Variants in CD247 observed in about 807,000 individuals in gnomAD.
The protein encoded by CD247 is CD247 molecule, also known as T-cell surface glycoprotein CD3 zeta chain.
In CD247, 13 loss-of-function variants were observed where a neutral mutation model predicts 30.0. That is an observed-to-expected ratio of 0.43 (90% CI 0.28 to 0.69). The LOEUF is 0.69. Among genes scored for constraint, CD247 ranks in the 30% least tolerant of loss-of-function variants. The pLI is 0.16. For synonymous variants in CD247, 72 were observed against 80.0 expected (o/e 0.90, Z 0.53); for missense variants, 193 against 212.6 (o/e 0.91, Z 0.57).
chr1:167,492,610 G>A (rs1418520664), intron 1 of CD247, among the ~76,000 whole-genome samples: 2 of 152,164 alleles, frequency 1.3e-5, no homozygotes, highest in South Asian at 2.1e-4. Flanking sequence ...CTTCGGCTTC[G>A]ATTCGTAAGC....
intron 1 of CD247, among the ~76,000 whole-genome samples, chr1:167,503,147 C>T (rs913520629): frequency 6.6e-6 from 1 of 152,350 alleles, no homozygotes; most frequent in East Asian, 1.9e-4. Flanking sequence ...CTCAGCCTTA[C>T]ACAGGAGGGG....
intron 1 of CD247, among the ~76,000 whole-genome samples, chr1:167,458,942 G>A (rs746474119): frequency 6.7e-5 from 10 of 150,342 alleles, no homozygotes; most frequent in Non-Finnish European, 1.5e-4. Context: ...GGCCAACATG[G>A]TGAAACCCCG....
At chr1:167,462,759 C>T (rs10918694) in intron 1 of CD247, among the ~76,000 whole-genome samples, 28,368 of 152,120 alleles carry the variant, frequency 0.19, 3,676 homozygotes, top group East Asian at 0.36. Flanking sequence ...AAAGTCTGCC[C>T]TCCCTCCCTG....
At chr1:167,447,850 C>T (rs374291025) in intron 1 of CD247, among the ~76,000 whole-genome samples, 1 of 151,970 alleles carries the variant, frequency 6.6e-6, no homozygotes, top group African/African-American at 2.4e-5. Flanking sequence ...AGCCCTGAGT[C>T]CTGCTGCTGC....
At chr1:167,448,839 C>A (rs1262313727) in intron 1 of CD247, among the ~76,000 whole-genome samples, 1 of 152,112 alleles carries the variant, frequency 6.6e-6, no homozygotes, top group Non-Finnish European at 1.5e-5. Context: ...CCAGCCTGGG[C>A]CATAGAGTGA....
At chr1:167,482,182 A>C (rs1313527696) in intron 1 of CD247, among the ~76,000 whole-genome samples, 1 of 152,174 alleles carries the variant, frequency 6.6e-6, no homozygotes, top group Non-Finnish European at 1.5e-5. Context: ...TCAGCCCCCA[A>C]CACCACCCGA....
chr1:167,470,401 G>T (rs1488373634), intron 1 of CD247, among the ~76,000 whole-genome samples: 2 of 151,264 alleles, frequency 1.3e-5, no homozygotes, highest in African/African-American at 2.4e-5. Flanking sequence ...AGGGTCATTG[G>T]GTAACATGAG....
At chr1:167,488,593 T>C (rs1203416839) in intron 1 of CD247, among the ~76,000 whole-genome samples, 3 of 152,124 alleles carry the variant, frequency 2.0e-5, no homozygotes. Flanking sequence ...GAACCGGATA[T>C]TGAAGGTTGA....
intron 1 of CD247, among the ~76,000 whole-genome samples, chr1:167,515,830 G>A (rs932854270): frequency 2.0e-5 from 3 of 152,216 alleles, no homozygotes; most frequent in Non-Finnish European, 1.5e-5. Flanking sequence ...CTCCTGTTTT[G>A]AGAACAAGAA....
chr1:167,473,876 C>T (rs574311407), intron 1 of CD247, among the ~76,000 whole-genome samples: 2 of 152,308 alleles, frequency 1.3e-5, no homozygotes, highest in Admixed American at 1.3e-4. Context: ...GATCTGCTAG[C>T]TCTGGCCTTG....
intron 1 of CD247, among the ~76,000 whole-genome samples, chr1:167,483,297 C>T (rs764938851): frequency 2.0e-5 from 3 of 152,032 alleles, no homozygotes; most frequent in South Asian, 2.1e-4. Context: ...CGTGAACCAC[C>T]GCACCCAGTG....
chr1:167,439,712 C>T (rs997901837), intron 2 of CD247: 94 of 420,138 alleles, frequency 2.2e-4, no homozygotes, highest in Non-Finnish European at 3.1e-4. Flanking sequence ...TTGGTCTGCG[C>T]CCCCGGGGAC....
chr1:167,502,423 A>C (rs562749537), intron 1 of CD247, among the ~76,000 whole-genome samples: 1 of 152,312 alleles, frequency 6.6e-6, no homozygotes, highest in Admixed American at 6.5e-5. Context: ...TGTGCTAGGG[A>C]AGGTTCACAA....
At chr1:167,446,576 A>G (rs951076850) in intron 1 of CD247, among the ~76,000 whole-genome samples, 18 of 152,238 alleles carry the variant, frequency 1.2e-4, no homozygotes, top group Admixed American at 1.2e-3. Context: ...AGGTACAAGG[A>G]GTGACAGCAG....
intron 1 of CD247, among the ~76,000 whole-genome samples, chr1:167,481,511 A>G (rs1227545380): frequency 6.6e-6 from 1 of 152,152 alleles, no homozygotes; most frequent in Non-Finnish European, 1.5e-5. Flanking sequence ...AGAAACATAC[A>G]TTTTGGTGCC....
At chr1:167,463,166 A>G (rs1653098273) in intron 1 of CD247, among the ~76,000 whole-genome samples, 1 of 152,098 alleles carries the variant, frequency 6.6e-6, no homozygotes, top group South Asian at 2.1e-4. Flanking sequence ...GCTGGTTAGC[A>G]TAGGAGGTCA....
intron 1 of CD247, among the ~76,000 whole-genome samples, chr1:167,479,473 G>C (rs936048414): frequency 6.6e-6 from 1 of 152,178 alleles, no homozygotes; most frequent in East Asian, 1.9e-4. Flanking sequence ...CAATGGTGGC[G>C]ATTACATGAT....
chr1:167,442,148 C>T (rs890301711), intron 1 of CD247, among the ~76,000 whole-genome samples: 2 of 152,218 alleles, frequency 1.3e-5, no homozygotes, highest in Non-Finnish European at 2.9e-5. Context: ...TTATTTGGAA[C>T]ATCATTGCAC....
At chr1:167,454,042 T>C (rs1042670632) in intron 1 of CD247, among the ~76,000 whole-genome samples, 2 of 152,204 alleles carry the variant, frequency 1.3e-5, no homozygotes, top group Admixed American at 6.5e-5. Context: ...TATATATGTA[T>C]ATATACATAA....
Sources: allele counts gnomAD v4.1 joint callset (sites outside exome capture counted in the v4.1 genomes callset), GRCh38; gene constraint gnomAD v4.1.1; transcripts MANE v1.5; gene names NCBI Gene and HGNC (gene_info 2026-07-23, HGNC 2026-07-21).